PTDSS2: variants seen among roughly 807,000 people sequenced by gnomAD.
PTDSS2 encodes the protein phosphatidylserine synthase 2.
Under a neutral mutation model 64.7 loss-of-function variants are expected in PTDSS2, and 41 were observed. That is an observed-to-expected ratio of 0.63 (90% CI 0.49 to 0.82). The LOEUF (loss-of-function observed/expected upper bound fraction) is 0.82. PTDSS2 is among the 40% of genes least tolerant of loss of function. The pLI, the probability that PTDSS2 is intolerant of heterozygous loss-of-function variation, is 0.00. For missense variants in PTDSS2, 485 were observed against 650.0 expected, an observed-to-expected ratio of 0.75 and a Z score of 2.76; for synonymous variants, 297 against 277.8, an observed-to-expected ratio of 1.07 and a Z score of -0.69.
chr11:486,704 C>T lies in PTDSS2; in HGVS notation c.436-235C>T, dbSNP rs1219134939. On this transcript the variant is annotated intron_variant, in intron 4 of 11. Transcript: ENST00000308020. ...AAAAATACAAAAAAAAAATACTAGC[C>T]GGGCGTGGTGGCGGGCGCCTGTAGT... 4.6e-5 allele frequency among the ~76,000 whole-genome samples: 7 copies of T among 152,216 alleles called. No individual in the cohort carries two copies. In the East Asian group the frequency reaches 9.7e-4, roughly 21 times the overall value.
At chr11:463,310 C>T (rs1209383990) in intron 2 of PTDSS2, 1 of 151,690 alleles carries the variant, frequency 6.6e-6, no homozygotes, top group African/African-American at 2.4e-5. Flanking sequence ...TCACCGCAAG[C>T]TCCGTCTCCC....
rs770093348 is a variant in PTDSS2 at position 476,395 on chromosome 11, G to A, written c.367+2418G>A. On this transcript the variant is annotated intron_variant, in intron 3 of 11. Coordinates refer to ENST00000308020, the MANE Select transcript of PTDSS2 (RefSeq NM_030783.3). This position sits in a 1 kb window ranked among gnomAD's most constrained non-coding sequence, Gnocchi z 4.9. ...CGCGGTGATGGTGAGAAACTTCCCG[G>A]CACACAGTGAAAAGCCTGGTGCAGT... Among the ~76,000 whole-genome samples the A allele has an allele frequency of 6.6e-6, 1 of 152,182 alleles. No homozygotes were observed. Among genetic ancestry groups the A allele is most frequent in the Non-Finnish European group, 1.5e-5 (1 of 68,032 alleles).
intron 11 of PTDSS2, 148 bp from the exon 12 acceptor site, chr11:490,272 T>C: frequency 1.6e-6 from 2 of 1,236,738 alleles, no homozygotes; most frequent in Admixed American, 4.1e-5. Context: ...AGGGCTCCAG[T>C]CTGCCACGGC....
intron 2 of PTDSS2, among the ~76,000 whole-genome samples, chr11:471,123 A>T: frequency 8.2e-6 from 1 of 122,632 alleles, no homozygotes; most frequent in African/African-American, 3.1e-5. Context: ...TTTGAGACTG[A>T]GTCTTGCTGT....
At chr11:458,452 G>A (rs555427848) in intron 1 of PTDSS2, among the ~76,000 whole-genome samples, 8 of 149,730 alleles carry the variant, frequency 5.3e-5, no homozygotes, top group African/African-American at 7.4e-5. Flanking sequence ...TGATCCGCCC[G>A]CCTCGGCCTC....
At chr11:457,043 C>A (rs1846627753) in intron 1 of PTDSS2, among the ~76,000 whole-genome samples, 1 of 152,158 alleles carries the variant, frequency 6.6e-6, no homozygotes, top group Non-Finnish European at 1.5e-5. Context: ...GAGTTTGAGA[C>A]CAGCCTGGAA....
At chr11:483,514 T>C (rs1288659231) in intron 4 of PTDSS2, among the ~76,000 whole-genome samples, 1 of 152,258 alleles carries the variant, frequency 6.6e-6, no homozygotes, top group Non-Finnish European at 1.5e-5. Flanking sequence ...TTGAGTGTTT[T>C]TATCATGAAA....
At chr11:451,889 A>G (rs1176853103) in intron 1 of PTDSS2, among the ~76,000 whole-genome samples, 1 of 152,064 alleles carries the variant, frequency 6.6e-6, no homozygotes, top group African/African-American at 2.4e-5. Context: ...CTTTGGGGAG[A>G]TGAGTGTACC....
chr11:489,514 G>A lies in PTDSS2; in HGVS notation c.969G>A (p.Val323=). 6.2e-7 allele frequency: 1 copy of A among 1,612,696 alleles called. No individual in the cohort carries two copies. The highest frequency in any genetic ancestry group is 8.5e-7 in the Non-Finnish European group (1 of 1,179,430). Residue 323 remains valine (V), a splice_region_variant and synonymous_variant, in exon 9 of 12, where the codon GTG becomes GTA. Transcript: ENST00000308020. ...RWLAVCGIIL[V]FLLAELNTFY... is the part of the protein sequence containing the mutation. Reference sequence around the variant, plus strand: ...TGGCCGTGTGCGGCATCATCCTGGTGGTAAGGCCGGGCTGCCTCGCGACGG... The same window carrying A: ...TGGCCGTGTGCGGCATCATCCTGGTAGTAAGGCCGGGCTGCCTCGCGACGG...
chr11:484,566 A>G lies in PTDSS2; in HGVS notation c.436-2373A>G, dbSNP rs369923381. On this transcript the variant is annotated intron_variant, in intron 4 of 11. Transcript: ENST00000308020. ...ACAGTGCACGGGCGCGTGTGTGCTC[A>G]CTGCGCAGGCATCTGTAAATAGTGC... Among the ~76,000 whole-genome samples the G allele has an allele frequency of 8.0e-4, 119 of 147,954 alleles. 2 individuals are homozygous for G. The highest frequency in any genetic ancestry group is 2.8e-3 in the African/African-American group (112 of 39,788).
At chr11:482,709 T>C (rs1003346814) in intron 4 of PTDSS2, among the ~76,000 whole-genome samples, 4 of 152,064 alleles carry the variant, frequency 2.6e-5, no homozygotes, top group African/African-American at 9.7e-5. Context: ...ATAGATCTCC[T>C]TACCGAGTGG....
intron 4 of PTDSS2, among the ~76,000 whole-genome samples, chr11:484,851 G>A (rs1228416765): frequency 6.8e-6 from 1 of 147,248 alleles, no homozygotes; most frequent in African/African-American, 2.5e-5. Flanking sequence ...AACAGTGCAC[G>A]GGTGCGTGTG....
chr11:449,622 C>T (rs1478689459), upstream of PTDSS2, among the ~76,000 whole-genome samples: 1 of 152,158 alleles, frequency 6.6e-6, no homozygotes, highest in African/African-American at 2.4e-5. Context: ...GCACCATTTT[C>T]GCCCGCCCAA....
chr11:478,950 A>G lies in PTDSS2; in HGVS notation c.368-135A>G. Reference sequence around the variant, plus strand: ...AATTCTGAGTTACAGCTTTCTTTATAAAGGCTCTCCCAGGGGCCTGTGAAG... The same window carrying G: ...AATTCTGAGTTACAGCTTTCTTTATGAAGGCTCTCCCAGGGGCCTGTGAAG... On this transcript the variant is annotated intron_variant, in intron 3 of 11. Coordinates refer to ENST00000308020, the MANE Select transcript of PTDSS2 (RefSeq NM_030783.3). 4 of 686,998 alleles carry G rather than the reference A, an allele frequency of 5.8e-6. No individual in the cohort carries two copies. The South Asian group carries it at 7.3e-5, about 12-fold the overall frequency. 42.6% of individuals were successfully genotyped at this position (686,998 alleles called of 1,614,324 possible). A position where few individuals can be genotyped will look rare whatever the true frequency, so the allele number is the denominator to read the frequency against.
chr11:484,905 G>A (rs541819308), intron 4 of PTDSS2, among the ~76,000 whole-genome samples: 5 of 149,458 alleles, frequency 3.3e-5, no homozygotes, highest in African/African-American at 9.9e-5. Context: ...GGGCGTGTGT[G>A]TGCTCACTGC....
chr11:465,650 TGTG>T (rs1373475060), intron 2 of PTDSS2, among the ~76,000 whole-genome samples: 3 of 152,166 alleles, frequency 2.0e-5, no homozygotes, highest in Non-Finnish European at 4.4e-5. Context: ...GTCTGCTGGG[TGTG>T]GTGGTTCATG....
At chr11:455,076 G>A (rs1000721273) in intron 1 of PTDSS2, among the ~76,000 whole-genome samples, 4 of 152,296 alleles carry the variant, frequency 2.6e-5, no homozygotes, top group African/African-American at 9.6e-5. Context: ...CTGAGGCCTG[G>A]TCGTTTCCAT....
intron 1 of PTDSS2, among the ~76,000 whole-genome samples, chr11:458,227 T>C (rs1165849978): frequency 6.6e-6 from 1 of 151,538 alleles, no homozygotes; most frequent in Non-Finnish European, 1.5e-5. Flanking sequence ...TTTTTTGAGA[T>C]TGAGTCTCGC....
chr11:462,268 C>T lies in PTDSS2; in HGVS notation c.284+1980C>T, dbSNP rs1846924170. ...CCCCTGAGGGGGCAGCAGTGGTGGG[C>T]ACGTCCCCCACTTCACCCAGCACTG... On this transcript the variant is annotated intron_variant, in intron 2 of 11. Coordinates refer to ENST00000308020, the MANE Select transcript of PTDSS2 (RefSeq NM_030783.3). The surrounding 1 kb of genome is among the most constrained non-coding windows in gnomAD (Gnocchi z 4.5). Among the ~76,000 whole-genome samples, 1 of 152,060 alleles carries T rather than the reference C, an allele frequency of 6.6e-6. No individual in the cohort carries two copies. Among genetic ancestry groups the T allele is most frequent in the African/African-American group, 2.4e-5 (1 of 41,418 alleles).
Sources: allele counts gnomAD v4.1 joint callset (sites outside exome capture counted in the v4.1 genomes callset), GRCh38; gene constraint gnomAD v4.1.1; non-coding constraint Gnocchi (gnomAD v3.1); transcripts MANE v1.5; gene names NCBI Gene and HGNC (gene_info 2026-07-23, HGNC 2026-07-21).